Variants in NFATC2 observed in about 807,000 individuals in gnomAD.
NFATC2 encodes nuclear factor of activated T cells 2.
NFATC2 carries 22 observed loss-of-function variants against 87.3 expected under a neutral mutation model. The observed-to-expected ratio is 0.25, with a 90% CI of 0.18 to 0.36. The LOEUF is 0.36. Among genes scored for constraint, NFATC2 ranks in the 10% least tolerant of loss-of-function variants. The pLI is 1.00. For synonymous variants in NFATC2, 565 were observed against 542.2 expected (o/e 1.04, Z -0.58); for missense variants, 1,149 against 1,259.1 (o/e 0.91, Z 1.32).
intron 9 of NFATC2, among the ~76,000 whole-genome samples, chr20:51,428,941 G>A (rs1233614009): frequency 2.6e-5 from 4 of 152,200 alleles, no homozygotes; most frequent in East Asian, 1.9e-4. Flanking sequence ...TGCCGTGTGC[G>A]ACAGACTCCC....
At position 51,432,810 on chromosome 20, in the gene NFATC2, G is replaced by C; in HGVS notation, c.2033-54C>G. The C allele has an allele frequency of 6.9e-7, 1 of 1,451,954 alleles. No individual in the cohort carries two copies. The highest frequency in any genetic ancestry group is 1.4e-5 in the South Asian group (1 of 72,188). 89.9% of individuals were successfully genotyped at this position (1,451,954 alleles called of 1,614,324 possible). On this transcript the variant is annotated intron_variant, in intron 8 of 10. Coordinates refer to ENST00000371564, the MANE Select transcript of NFATC2 (RefSeq NM_012340.5). The surrounding 1 kb of genome is among the most constrained non-coding windows in gnomAD (Gnocchi z 4.6). ...GCCCATGGCAGTGAGCCACGGATGT[G>C]CACGGAGGATTCGTGGATGGTGCTT... is the stretch of plus-strand genomic sequence containing the variant.
At chr20:51,508,848 C>A (rs900029578) in intron 3 of NFATC2, among the ~76,000 whole-genome samples, 1 of 152,230 alleles carries the variant, frequency 6.6e-6, no homozygotes, top group African/African-American at 2.4e-5. Flanking sequence ...CCCATGCCCC[C>A]ACCCTGGTCC....
chr20:51,416,086 A>T (rs1980005063), intron 9 of NFATC2, among the ~76,000 whole-genome samples: 1 of 151,974 alleles, frequency 6.6e-6, no homozygotes, highest in South Asian at 2.1e-4. Context: ...ACAAAGCGAG[A>T]CCCCGTCTCT....
intron 10 of NFATC2, among the ~76,000 whole-genome samples, chr20:51,393,863 C>G (rs563983886): frequency 6.6e-6 from 1 of 152,146 alleles, no homozygotes; most frequent in Non-Finnish European, 1.5e-5. Context: ...AAGGCCCTCT[C>G]GAAGGGCTGT....
intron 6 of NFATC2, among the ~76,000 whole-genome samples, chr20:51,437,841 C>T (rs1460939575): frequency 2.0e-5 from 3 of 152,206 alleles, no homozygotes; most frequent in Admixed American, 1.3e-4. Context: ...CTCCCCAACA[C>T]GCACAAATGC....
At chr20:51,474,756 C>A (rs1189715545) in intron 4 of NFATC2, among the ~76,000 whole-genome samples, 5 of 152,036 alleles carry the variant, frequency 3.3e-5, no homozygotes, top group African/African-American at 4.8e-5. Context: ...GTTTTTTTAA[C>A]CCCAAAATGT....
upstream of NFATC2, among the ~76,000 whole-genome samples, chr20:51,543,975 ATTTTTTTTTTT>A (rs11473264): frequency 4.8e-4 from 35 of 72,980 alleles, no homozygotes; most frequent in Admixed American, 1.6e-3. Context: ...AGAATTCCTA[ATTTTTTTTTTT>A]TTTTTTTTTT....
At chr20:51,522,190 C>T (rs2076455778) in intron 2 of NFATC2, among the ~76,000 whole-genome samples, 1 of 147,456 alleles carries the variant, frequency 6.8e-6, no homozygotes, top group South Asian at 2.1e-4. Context: ...ATCATCTCAT[C>T]TAATCCATTT....
intron 3 of NFATC2, among the ~76,000 whole-genome samples, chr20:51,500,600 C>T (rs1171555628): frequency 6.7e-6 from 1 of 149,606 alleles, no homozygotes; most frequent in African/African-American, 2.5e-5. Context: ...GAGGCTCAGG[C>T]AGAAGAGGAA....
chr20:51,512,861 G>A (rs773199684), intron 3 of NFATC2, among the ~76,000 whole-genome samples: 4 of 152,132 alleles, frequency 2.6e-5, no homozygotes, highest in Non-Finnish European at 4.4e-5. Context: ...CAACAGAGAA[G>A]CCGGCGGAAG....
At chr20:51,440,192 T>C (rs1048882072) in intron 6 of NFATC2, among the ~76,000 whole-genome samples, 3 of 132,944 alleles carry the variant, frequency 2.3e-5, no homozygotes, top group African/African-American at 9.1e-5. Flanking sequence ...GCTGAGAGCA[T>C]GCCATTGCAC....
upstream of NFATC2, among the ~76,000 whole-genome samples, chr20:51,547,401 A>T (rs1405336963): frequency 1.3e-5 from 2 of 152,188 alleles, no homozygotes; most frequent in African/African-American, 4.8e-5. Context: ...GAAACAGTCA[A>T]GAAGCACTGA....
intron 9 of NFATC2, among the ~76,000 whole-genome samples, chr20:51,400,732 G>A (rs778503843): frequency 5.9e-5 from 9 of 152,150 alleles, no homozygotes; most frequent in Admixed American, 1.3e-4. Context: ...GTGGCTACTC[G>A]CTCTGCCTTC....
chr20:51,480,512 G>A lies in NFATC2; in HGVS notation c.1333-4852C>T, dbSNP rs571583183. ...TGAGCTGGGCTGGCTTATACAATGT[G>A]AGCAGATAGAATCCACCTGGCACTG... On this transcript the variant is annotated intron_variant, in intron 3 of 10. Transcript: ENST00000371564. The surrounding 1 kb of genome is among the most constrained non-coding windows in gnomAD (Gnocchi z 4.2). 3.0e-4 allele frequency among the ~76,000 whole-genome samples: 45 copies of A among 152,310 alleles called. No individual in the cohort carries two copies. Among genetic ancestry groups the A allele is most frequent in the African/African-American group, 1.1e-3 (45 of 41,564 alleles).
Position 51,562,430 on chromosome 20 carries a change from G to A in NFATC2, c.70+130C>T. On this transcript the variant is annotated intron_variant, in intron 1 of 10. Coordinates refer to the NFATC2 transcript ENST00000414705. The surrounding 1 kb of genome is among the most constrained non-coding windows in gnomAD (Gnocchi z 5.8). ...GGGCCCCGCTACCTGTGCGCCGAGG[G>A]CGAGCGGGGTCCCCAGGCCTCCCGC... 1.3e-6 allele frequency: 1 copy of A among 798,356 alleles called. No homozygotes were observed. The highest frequency in any genetic ancestry group is 2.0e-6 in the Non-Finnish European group (1 of 509,142). The allele number at this position is 798,356 out of a possible 1,614,324, so 49.5% of individuals were successfully genotyped here.
Position 51,481,397 on chromosome 20 carries a change from A to G in NFATC2, c.1333-5737T>C, listed in dbSNP as rs145514555. 3.2e-3 allele frequency among the ~76,000 whole-genome samples: 493 copies of G among 152,138 alleles called. 4 individuals carry two copies. The highest frequency in any genetic ancestry group is 0.012 in the African/African-American group (478 of 41,486). On this transcript the variant is annotated intron_variant, in intron 3 of 10. Coordinates refer to ENST00000371564, the MANE Select transcript of NFATC2 (RefSeq NM_012340.5). ...CTTCTCGGTGGCCTGGACCAGCCGGATCACACTCCAGGCACAGCAGACACA... is the reference window on the plus strand; with the variant it reads ...CTTCTCGGTGGCCTGGACCAGCCGGGTCACACTCCAGGCACAGCAGACACA...
chr20:51,519,325 G>T (rs1264136580), intron 2 of NFATC2, among the ~76,000 whole-genome samples: 1 of 151,938 alleles, frequency 6.6e-6, no homozygotes, highest in Non-Finnish European at 1.5e-5. Context: ...ATTTGATGCT[G>T]AAATACAATC....
chr20:51,431,691 G>A (rs1982731844), intron 9 of NFATC2, among the ~76,000 whole-genome samples: 1 of 152,154 alleles, frequency 6.6e-6, no homozygotes, highest in Admixed American at 6.5e-5. Flanking sequence ...AATGAAAGGA[G>A]GTTAGCTTTC....
intron 5 of NFATC2, among the ~76,000 whole-genome samples, chr20:51,464,482 C>T (rs59770905): frequency 0.097 from 14,822 of 152,264 alleles, 1,058 homozygotes; most frequent in East Asian, 0.19. Flanking sequence ...TCCTAACCGC[C>T]ACTCTAAACT....
Sources: allele counts gnomAD v4.1 joint callset (sites outside exome capture counted in the v4.1 genomes callset), GRCh38; gene constraint gnomAD v4.1.1; non-coding constraint Gnocchi (gnomAD v3.1); transcripts MANE v1.5; gene names NCBI Gene and HGNC (gene_info 2026-07-23, HGNC 2026-07-21).